Variants in ARHGAP6 observed in about 807,000 individuals in gnomAD.
ARHGAP6 encodes Rho GTPase activating protein 6.
In ARHGAP6, 16 loss-of-function variants were observed where a neutral mutation model predicts 55.7. The observed-to-expected ratio is 0.29, with a 90% CI of 0.19 to 0.44. ARHGAP6 has a LOEUF of 0.44. Among genes scored for constraint, ARHGAP6 ranks in the 20% least tolerant of loss-of-function variants. ARHGAP6 has a pLI of 1.00. For missense variants in ARHGAP6, 698 were observed against 808.9 expected, an observed-to-expected ratio of 0.86 and a Z score of 1.66; for synonymous variants, 382 against 360.9, an observed-to-expected ratio of 1.06 and a Z score of -0.66.
chrX:11,312,876 T>C (rs1344566026), intron 1 of ARHGAP6, among the ~76,000 whole-genome samples: 1 of 111,470 alleles, frequency 9.0e-6, no homozygotes, highest in Non-Finnish European at 1.9e-5. Flanking sequence ...ATCTTTACTT[T>C]CATCACTCCA....
At position 11,178,780 on chromosome X, in the gene ARHGAP6, A is replaced by T. The variant is rs1290356532; in HGVS notation, c.1480+522T>A. On this transcript the variant is annotated intron_variant, in intron 7 of 12. Transcript: ENST00000337414. ...ATGGCAGCATTGGAGGAAGAAATGT[A>T]TGGAGGTTGACCCAGGTTTGGCCTA... 4.5e-5 allele frequency among the ~76,000 whole-genome samples: 5 copies of T among 112,309 alleles called. No homozygotes were observed. The East Asian group carries it at 1.4e-3, about 31-fold the overall frequency.
intron 1 of ARHGAP6, among the ~76,000 whole-genome samples, chrX:11,480,733 G>A (rs754077326): frequency 1.8e-5 from 2 of 111,530 alleles, no homozygotes; most frequent in African/African-American, 3.3e-5. Context: ...CACACAGAAA[G>A]AACTCAGCAA....
chrX:11,185,142 CTG>C (rs3990773), intron 5 of ARHGAP6, among the ~76,000 whole-genome samples: 6,019 of 95,485 alleles, frequency 0.063, 269 homozygotes, highest in African/African-American at 0.15. Flanking sequence ...TGGTGCATGA[CTG>C]TGTGTGTGTG....
intron 1 of ARHGAP6, among the ~76,000 whole-genome samples, chrX:11,531,030 G>A (rs899688832): frequency 8.9e-6 from 1 of 112,085 alleles, no homozygotes; most frequent in African/African-American, 3.3e-5. Flanking sequence ...ACTGCAACAC[G>A]TTAAGGCTTA....
At chrX:11,589,507 C>T (rs1317365210) in intron 1 of ARHGAP6, among the ~76,000 whole-genome samples, 2 of 108,334 alleles carry the variant, frequency 1.8e-5, no homozygotes, top group African/African-American at 6.7e-5. Flanking sequence ...GTAGATTAAA[C>T]TATAAAAAGC....
At chrX:11,522,689 A>T (rs2050944335) in intron 1 of ARHGAP6, among the ~76,000 whole-genome samples, 1 of 111,673 alleles carries the variant, frequency 9.0e-6, no homozygotes, top group Non-Finnish European at 1.9e-5. Context: ...AATCCATGAG[A>T]AGTTGAATCT....
chrX:11,212,756 A>C (rs2046822205), intron 2 of ARHGAP6, among the ~76,000 whole-genome samples: 1 of 112,555 alleles, frequency 8.9e-6, no homozygotes, highest in Non-Finnish European at 1.9e-5. Flanking sequence ...GCACAAAGAT[A>C]AAATTAAATT....
intron 1 of ARHGAP6, among the ~76,000 whole-genome samples, chrX:11,658,206 C>T (rs1345963001): frequency 9.0e-6 from 1 of 111,510 alleles, no homozygotes; most frequent in Non-Finnish European, 1.9e-5. Flanking sequence ...ACCCAAGGTT[C>T]TTTCTGAGTC....
chrX:11,557,756 G>T (rs1207640246), intron 1 of ARHGAP6, among the ~76,000 whole-genome samples: 1 of 112,109 alleles, frequency 8.9e-6, no homozygotes, highest in Non-Finnish European at 1.9e-5. Flanking sequence ...AATTTTATAG[G>T]TGCCACAATA....
intron 1 of ARHGAP6, among the ~76,000 whole-genome samples, chrX:11,320,653 G>T (rs1410357740): frequency 1.8e-5 from 2 of 110,034 alleles, no homozygotes; most frequent in Non-Finnish European, 3.8e-5. Context: ...AACCTATTGT[G>T]AATGGCTTTT....
At chrX:11,306,169 A>T (rs1353756716) in intron 1 of ARHGAP6, among the ~76,000 whole-genome samples, 1 of 111,681 alleles carries the variant, frequency 9.0e-6, no homozygotes, top group Non-Finnish European at 1.9e-5. Context: ...CCATATCCAC[A>T]CATCTGGGAG....
chrX:11,240,773 G>A (rs936495607), intron 2 of ARHGAP6, among the ~76,000 whole-genome samples: 2 of 110,491 alleles, frequency 1.8e-5, no homozygotes, highest in Non-Finnish European at 3.8e-5. Context: ...GGCCGGGCAT[G>A]GTGGCTCGTA....
intron 1 of ARHGAP6, among the ~76,000 whole-genome samples, chrX:11,379,683 C>A (rs2049241020): frequency 9.0e-6 from 1 of 111,699 alleles, no homozygotes; most frequent in Non-Finnish European, 1.9e-5. Context: ...AGGGCTTGAA[C>A]TGTCCAGAAC....
intron 1 of ARHGAP6, among the ~76,000 whole-genome samples, chrX:11,288,352 T>G (rs1034909332): frequency 1.8e-5 from 2 of 112,292 alleles, no homozygotes. Context: ...TCATCAACTT[T>G]ATCATCGTGG....
chrX:11,160,575 A>C (rs2045930679), intron 9 of ARHGAP6, among the ~76,000 whole-genome samples: 1 of 112,045 alleles, frequency 8.9e-6, no homozygotes, highest in Non-Finnish European at 1.9e-5. Flanking sequence ...TAATTCTTTG[A>C]GAGTATGTAG....
chrX:11,234,592 G>T (rs1450025355), intron 2 of ARHGAP6, among the ~76,000 whole-genome samples: 1 of 112,137 alleles, frequency 8.9e-6, no homozygotes, highest in African/African-American at 3.2e-5. Flanking sequence ...TTCAAAAGAG[G>T]TGCAACTCAT....
intron 1 of ARHGAP6, among the ~76,000 whole-genome samples, chrX:11,663,865 T>C (rs1175654882): frequency 1.8e-5 from 2 of 112,824 alleles, no homozygotes; most frequent in Non-Finnish European, 3.7e-5. Flanking sequence ...TTTCAAAATA[T>C]ATTTCATCCA....
At chrX:11,240,673 C>T (rs1219932681) in intron 2 of ARHGAP6, among the ~76,000 whole-genome samples, 1 of 111,210 alleles carries the variant, frequency 9.0e-6, no homozygotes, top group Admixed American at 9.6e-5. Flanking sequence ...GTGCTATGAA[C>T]CCAGATGAAT....
intron 1 of ARHGAP6, among the ~76,000 whole-genome samples, chrX:11,629,503 T>C (rs2052337016): frequency 9.0e-6 from 1 of 111,124 alleles, no homozygotes; most frequent in Non-Finnish European, 1.9e-5. Context: ...AAGACAAACA[T>C]GATCCCTGAT....
Sources: allele counts gnomAD v4.1 joint callset (sites outside exome capture counted in the v4.1 genomes callset), GRCh38; gene constraint gnomAD v4.1.1; transcripts MANE v1.5; gene names NCBI Gene and HGNC (gene_info 2026-07-23, HGNC 2026-07-21).